VKORC1L1: variants seen among roughly 807,000 people sequenced by gnomAD.
VKORC1L1 encodes vitamin K epoxide reductase complex subunit 1L1, also known as vitamin K epoxide reductase complex subunit 1-like protein 1.
In VKORC1L1, 2 loss-of-function variants were observed where a neutral mutation model predicts 18.9. That is an observed-to-expected ratio of 0.11 (90% confidence interval 0.04 to 0.33). The LOEUF (loss-of-function observed/expected upper bound fraction) is 0.33. Among genes scored for constraint, VKORC1L1 ranks in the 10% least tolerant of loss-of-function variants. The pLI, the probability that VKORC1L1 is intolerant of heterozygous loss-of-function variation, is 1.00. For synonymous variants in VKORC1L1, 96 were observed against 100.0 expected (o/e 0.96, Z 0.24); for missense variants, 123 against 224.1 (o/e 0.55, Z 2.88).
At chr7:65,911,986 C>T (rs1789509607) in intron 1 of VKORC1L1, among the ~76,000 whole-genome samples, 1 of 152,070 alleles carries the variant, frequency 6.6e-6, no homozygotes, top group African/African-American at 2.4e-5. Context: ...GCACATTACC[C>T]ACTATTGACA....
At chr7:65,929,251 A>T (rs1317649357) in intron 1 of VKORC1L1, among the ~76,000 whole-genome samples, 1 of 152,098 alleles carries the variant, frequency 6.6e-6, no homozygotes, top group Non-Finnish European at 1.5e-5. Flanking sequence ...TCTACTAGAA[A>T]TACCAAAAAA....
intron 1 of VKORC1L1, among the ~76,000 whole-genome samples, chr7:65,929,682 G>GTATGTATATATATATA (rs1789826736): frequency 7.8e-6 from 1 of 128,612 alleles, no homozygotes; most frequent in African/African-American, 2.9e-5. Context: ...GTGTGTGTGT[G>GTATGTATATATATATA]TATATATATA....
intron 1 of VKORC1L1, among the ~76,000 whole-genome samples, chr7:65,876,521 T>G (rs1231104937): frequency 6.6e-6 from 1 of 150,504 alleles, no homozygotes; most frequent in Non-Finnish European, 1.5e-5. Flanking sequence ...AAAAAAAAAG[T>G]TTACTTTCGT....
Position 65,958,012 on chromosome 7 carries a change from CTG to C in VKORC1L1, c.*3715_*3716del, listed in dbSNP as rs1790327933. 6.6e-6 allele frequency: 1 copy of C among 152,174 alleles called. No individual in the cohort carries two copies. Among genetic ancestry groups the C allele is most frequent in the Non-Finnish European group, 1.5e-5 (1 of 68,044 alleles). 9.4% of individuals were successfully genotyped at this position (152,174 alleles called of 1,614,324 possible). ...TATTAGATGCCAACAAGGAGACCCA[CTG>C]TGATTTCTGGTAACCTATTTGGGGA... is the stretch of plus-strand genomic sequence containing the variant. On this transcript the variant is annotated 3_prime_UTR_variant, in exon 3 of 3. Coordinates refer to ENST00000360768, the MANE Select transcript of VKORC1L1 (RefSeq NM_173517.6).
At chr7:65,944,108 C>T (rs1038661520) in intron 1 of VKORC1L1, among the ~76,000 whole-genome samples, 3 of 152,052 alleles carry the variant, frequency 2.0e-5, no homozygotes, top group Admixed American at 2.0e-4. Flanking sequence ...GTGGAACATG[C>T]CTGTGGTCCA....
chr7:65,895,494 T>A lies in VKORC1L1; in HGVS notation c.194+21929T>A, dbSNP rs62470889. Among the ~76,000 whole-genome samples, 511 of 74,256 alleles carry A rather than the reference T, an allele frequency of 6.9e-3. 4 individuals carry two copies. The highest frequency in any genetic ancestry group is 0.012 in the South Asian group (18 of 1,452). 48.7% of individuals were successfully genotyped at this position (74,256 alleles called of 152,430 possible). A position where few individuals can be genotyped will look rare whatever the true frequency, so the allele number is the denominator to read the frequency against. On this transcript the variant is annotated intron_variant, in intron 1 of 2. Transcript: ENST00000360768. Reference sequence around the variant, plus strand: ...AAAAAAAAAAAAATATATATATATATATATATATATATATATATATATACA... The same window carrying A: ...AAAAAAAAAAAAATATATATATATAAATATATATATATATATATATATACA...
At chr7:65,942,334 A>G (rs914289884) in intron 1 of VKORC1L1, among the ~76,000 whole-genome samples, 2 of 150,134 alleles carry the variant, frequency 1.3e-5, no homozygotes, top group African/African-American at 4.9e-5. Context: ...AAAAATGCCA[A>G]AAAAAAAACT....
In VKORC1L1 at chr7:65,938,526, A is replaced by G. The variant is rs546437521; in HGVS notation, c.195-10145A>G. Among the ~76,000 whole-genome samples the G allele has an allele frequency of 1.6e-4, 25 of 152,342 alleles. No homozygotes were observed. In the South Asian group the frequency reaches 3.1e-3, roughly 19 times the overall value. On this transcript the variant is annotated intron_variant, in intron 1 of 2. Coordinates refer to ENST00000360768, the MANE Select transcript of VKORC1L1 (RefSeq NM_173517.6). ...CACAGTGAATGACTCAACTCCCACA[A>G]CAAGGCACATCCTTTGTGAAATTTG...
intron 1 of VKORC1L1, among the ~76,000 whole-genome samples, chr7:65,909,267 C>A (rs1206187101): frequency 6.6e-6 from 1 of 151,226 alleles, no homozygotes; most frequent in Non-Finnish European, 1.5e-5. Context: ...TGCAGATGAG[C>A]CACCGTGCCC....
chr7:65,914,556 C>G (rs2115589136), intron 1 of VKORC1L1, among the ~76,000 whole-genome samples: 1 of 152,350 alleles, frequency 6.6e-6, no homozygotes, highest in Admixed American at 6.5e-5. Context: ...ATGGCAATTA[C>G]TCATTCTCTC....
chr7:65,914,874 A>C (rs1358739540), intron 1 of VKORC1L1, among the ~76,000 whole-genome samples: 1 of 152,092 alleles, frequency 6.6e-6, no homozygotes, highest in Admixed American at 6.6e-5. Flanking sequence ...ATGTGGTGGC[A>C]CATGCCTTGT....
rs58269522 is a variant in VKORC1L1 at position 65,900,042 on chromosome 7, CGTGTGTGTGTGTGTGTGT to C, written c.194+26506_194+26523del. 5.6e-3 allele frequency among the ~76,000 whole-genome samples: 784 copies of C among 140,970 alleles called. 7 individuals carry two copies. Among genetic ancestry groups the C allele is most frequent in the African/African-American group, 0.018 (671 of 36,782 alleles). 92.5% of individuals were successfully genotyped at this position (140,970 alleles called of 152,430 possible). On this transcript the variant is annotated intron_variant, in intron 1 of 2. Transcript: ENST00000360768. ...TTGTGCGTGTGTGCATGTGCACGCA[CGTGTGTGTGTGTGTGTGT>C]GTGTGTGTGTGTGTGTGTGTGTGTG... is the stretch of plus-strand genomic sequence containing the variant.
chr7:65,897,380 T>C (rs1350694346), intron 1 of VKORC1L1, among the ~76,000 whole-genome samples: 1 of 152,262 alleles, frequency 6.6e-6, no homozygotes, highest in African/African-American at 2.4e-5. Context: ...CGTATATTAA[T>C]GGTAAGTTTC....
intron 1 of VKORC1L1, among the ~76,000 whole-genome samples, chr7:65,891,011 T>C (rs1789102231): frequency 6.6e-6 from 1 of 152,120 alleles, no homozygotes; most frequent in Non-Finnish European, 1.5e-5. Context: ...TTGGCCACTA[T>C]ACATGCGTTT....
At chr7:65,889,155 A>G (rs1244891800) in intron 1 of VKORC1L1, among the ~76,000 whole-genome samples, 2 of 150,914 alleles carry the variant, frequency 1.3e-5, no homozygotes, top group Non-Finnish European at 2.9e-5. Context: ...CCCACCAAGC[A>G]GCCTTAGGCC....
chr7:65,902,851 TTTTATTTATTTATTTA>T (rs147563570), intron 1 of VKORC1L1, among the ~76,000 whole-genome samples: 2 of 151,080 alleles, frequency 1.3e-5, no homozygotes, highest in Non-Finnish European at 2.9e-5. Flanking sequence ...ACATCTTTAA[TTTTATTTATTTATTTA>T]TTTATTTATT....
intron 2 of VKORC1L1, among the ~76,000 whole-genome samples, chr7:65,952,286 G>A (rs1384005573): frequency 2.6e-5 from 4 of 152,312 alleles, no homozygotes; most frequent in East Asian, 1.9e-4. Flanking sequence ...GCCAGTTGCC[G>A]CAGCCACTCA....
upstream of VKORC1L1, among the ~76,000 whole-genome samples, chr7:65,871,590 C>G (rs1400980508): frequency 3.3e-5 from 5 of 152,230 alleles, no homozygotes; most frequent in Non-Finnish European, 7.3e-5. Flanking sequence ...TGTGATCTCA[C>G]TCTCATTTTC....
intron 1 of VKORC1L1, among the ~76,000 whole-genome samples, chr7:65,900,221 C>T (rs1024353260): frequency 1.3e-5 from 2 of 150,704 alleles, no homozygotes; most frequent in Non-Finnish European, 3.0e-5. Flanking sequence ...AACCTCATCT[C>T]TACTAAAAAT....
Sources: gnomAD v4.1 joint callset for allele counts (sites outside exome capture counted in the v4.1 genomes callset) on GRCh38, gnomAD v4.1.1 for gene constraint, MANE v1.5 for transcripts, NCBI Gene and HGNC (gene_info 2026-07-23, HGNC 2026-07-21) for gene names.